The following IGSF21 variants were observed in gnomAD, a reference collection of about 807,000 sequenced individuals.
IGSF21 encodes immunoglobulin superfamily member 21.
Under a neutral mutation model 46.8 loss-of-function variants are expected in IGSF21, and 28 were observed. The ratio of observed to expected loss-of-function variants is 0.60; its 90% CI spans 0.44 to 0.82. IGSF21 has a LOEUF of 0.82. Among genes scored for constraint, IGSF21 ranks in the 40% least tolerant of loss-of-function variants. The pLI, the probability that IGSF21 is intolerant of heterozygous loss-of-function variation, is 0.00. For synonymous variants in IGSF21, 284 were observed against 273.6 expected, an observed-to-expected ratio of 1.04 and a Z score of -0.38; for missense variants, 624 against 665.5, an observed-to-expected ratio of 0.94 and a Z score of 0.69.
At chr1:18,351,007 C>A (rs927482305) in intron 4 of IGSF21, among the ~76,000 whole-genome samples, 3 of 152,066 alleles carry the variant, frequency 2.0e-5, no homozygotes, top group Non-Finnish European at 2.9e-5. Context: ...GACTTCTTAC[C>A]ACTGCCACAT....
intron 2 of IGSF21, among the ~76,000 whole-genome samples, chr1:18,232,190 A>ATAG (rs1404879591): frequency 9.2e-6 from 1 of 108,732 alleles, no homozygotes; most frequent in Non-Finnish European, 1.9e-5. Flanking sequence ...CACAGCTCAT[A>ATAG]TAGATAAGCT....
intron 2 of IGSF21, among the ~76,000 whole-genome samples, chr1:18,245,372 T>C (rs1228067889): frequency 1.3e-5 from 2 of 152,174 alleles, no homozygotes; most frequent in East Asian, 1.9e-4. Context: ...TGAGCCTCCA[T>C]TGGGTTTTTG....
At chr1:18,377,474 CT>C in intron 9 of IGSF21, 43 bp downstream of exon 9, 1 of 1,520,242 alleles carries the variant, frequency 6.6e-7, no homozygotes, top group Non-Finnish European at 9.1e-7. Flanking sequence ...AAGGGAGTGG[CT>C]TTTGAGGCGC....
chr1:18,273,423 TC>T (rs2085065082), intron 2 of IGSF21, among the ~76,000 whole-genome samples: 2 of 147,060 alleles, frequency 1.4e-5, no homozygotes, highest in African/African-American at 5.1e-5. Context: ...TCTTTTCCTT[TC>T]CTTTCCTTTC....
intron 1 of IGSF21, among the ~76,000 whole-genome samples, chr1:18,141,155 C>T (rs1183508731): frequency 2.0e-5 from 3 of 152,176 alleles, no homozygotes; most frequent in Non-Finnish European, 2.9e-5. Context: ...GGCATCCAGG[C>T]TGATGGGAAT....
chr1:18,260,469 G>A (rs2084936520), intron 2 of IGSF21, among the ~76,000 whole-genome samples: 3 of 152,250 alleles, frequency 2.0e-5, no homozygotes, highest in African/African-American at 7.2e-5. Context: ...CAGCCGCTGA[G>A]GGAATGCTCC....
intron 2 of IGSF21, among the ~76,000 whole-genome samples, chr1:18,273,188 A>G (rs892180608): frequency 3.3e-5 from 5 of 151,398 alleles, no homozygotes; most frequent in Non-Finnish European, 7.4e-5. Flanking sequence ...TTACAGGCAC[A>G]TGTCACCATG....
chr1:18,129,895 T>C (rs2086303050), intron 1 of IGSF21, among the ~76,000 whole-genome samples: 1 of 152,162 alleles, frequency 6.6e-6, no homozygotes, highest in African/African-American at 2.4e-5. Flanking sequence ...TCCGCGCGCC[T>C]TCCAACATGG....
chr1:18,318,853 G>A (rs780025849), intron 3 of IGSF21, among the ~76,000 whole-genome samples: 8 of 152,222 alleles, frequency 5.3e-5, no homozygotes, highest in East Asian at 1.9e-4. Flanking sequence ...AAATCTATAC[G>A]TTTGGCTTTG....
intron 1 of IGSF21, among the ~76,000 whole-genome samples, chr1:18,180,199 C>T (rs546443096): frequency 1.3e-5 from 2 of 152,318 alleles, no homozygotes; most frequent in African/African-American, 2.4e-5. Flanking sequence ...ATATACGCTG[C>T]ATGTGGCGAG....
intron 1 of IGSF21, among the ~76,000 whole-genome samples, chr1:18,208,376 A>AATATATAT (rs5772795): frequency 0.018 from 387 of 22,028 alleles, 31 homozygotes; most frequent in African/African-American, 0.048. Flanking sequence ...GTTTAGGAAT[A>AATATATAT]ATATATATAT....
At chr1:18,133,758 C>CTGCCGATCCCCG (rs2086343870) in intron 1 of IGSF21, among the ~76,000 whole-genome samples, 1 of 152,254 alleles carries the variant, frequency 6.6e-6, no homozygotes, top group African/African-American at 2.4e-5. Context: ...TATTGGACAA[C>CTGCCGATCCCCG]TGCCGATCCC....
At chr1:18,311,477 C>A (rs953189638) in intron 3 of IGSF21, among the ~76,000 whole-genome samples, 1 of 152,208 alleles carries the variant, frequency 6.6e-6, no homozygotes, top group South Asian at 2.1e-4. Flanking sequence ...GGCTCTGGAG[C>A]GGCGGAGCTG....
In IGSF21 at chr1:18,365,670, ATG is replaced by A; in HGVS notation, c.989_990del (p.Met330ThrfsTer61). On this transcript the variant is annotated frameshift_variant, in exon 6 of 10. Coordinates refer to ENST00000251296, the MANE Select transcript of IGSF21 (RefSeq NM_032880.5). LOFTEE classifies it high-confidence loss of function. This position sits in a 1 kb window ranked among gnomAD's most constrained non-coding sequence, Gnocchi z 4.8. ...CGAGGTCAAGCACCCAGCTCTGTCG[ATG>A]CCCATGCAGGCAGAGGTCACGCTGG... ...SCEVKHPALS[M>X]PMQAEVTLVA... is the part of the protein sequence containing the mutation. The A allele has an allele frequency of 1.2e-6, 2 of 1,613,668 alleles. No homozygotes were observed. Among genetic ancestry groups the A allele is most frequent in the Non-Finnish European group, 1.7e-6 (2 of 1,179,662 alleles).
chr1:18,149,905 C>T (rs6603925), intron 1 of IGSF21, among the ~76,000 whole-genome samples: 5,182 of 152,190 alleles, frequency 0.034, 143 homozygotes, highest in East Asian at 0.081. Flanking sequence ...CAAGTTTCAC[C>T]ATACGCTAAT....
chr1:18,262,009 T>C (rs1201803932), intron 2 of IGSF21, among the ~76,000 whole-genome samples: 2 of 152,120 alleles, frequency 1.3e-5, no homozygotes, highest in Non-Finnish European at 2.9e-5. Context: ...CTCCAATGTG[T>C]GTAAGAATCA....
At chr1:18,366,482 G>C (rs2086165976) in intron 6 of IGSF21, among the ~76,000 whole-genome samples, 1 of 152,164 alleles carries the variant, frequency 6.6e-6, no homozygotes, top group Non-Finnish European at 1.5e-5. Context: ...GGGAACATGG[G>C]AGGTGACAGG....
chr1:18,119,761 GT>G (rs10562837), intron 1 of IGSF21, among the ~76,000 whole-genome samples: 2,360 of 149,950 alleles, frequency 0.016, 51 homozygotes, highest in African/African-American at 0.052. Context: ...TAATAACGGT[GT>G]TTTTTTTTTT....
intron 1 of IGSF21, among the ~76,000 whole-genome samples, chr1:18,159,347 C>T (rs1046848746): frequency 6.6e-6 from 1 of 152,130 alleles, no homozygotes; most frequent in Non-Finnish European, 1.5e-5. Context: ...ATCAATGGGC[C>T]CTTCACAGCT....
Sources: gnomAD v4.1 joint callset for allele counts (sites outside exome capture counted in the v4.1 genomes callset) on GRCh38, gnomAD v4.1.1 for gene constraint, Gnocchi (gnomAD v3.1) non-coding constraint, MANE v1.5 for transcripts, NCBI Gene and HGNC (gene_info 2026-07-23, HGNC 2026-07-21) for gene names.